Variants in ABCB1 observed in about 807,000 individuals in gnomAD.
ABCB1 encodes the protein ATP binding cassette subfamily B member 1, also known as ATP-dependent translocase ABCB1.
In ABCB1, 69 loss-of-function variants were observed where a neutral mutation model predicts 142.0. The ratio of observed to expected loss-of-function variants is 0.49; its 90% CI spans 0.40 to 0.59. The LOEUF (loss-of-function observed/expected upper bound fraction) is 0.59, where lower values mean the gene tolerates loss of function less well. ABCB1 is among the 20% of genes least tolerant of loss of function. The pLI, the probability that ABCB1 is intolerant of heterozygous loss-of-function variation, is 0.00. For synonymous variants in ABCB1, 532 were observed against 539.2 expected (o/e 0.99, Z 0.18); for missense variants, 1,326 against 1,554.7 (o/e 0.85, Z 2.47).
chr7:87,624,373 C>A (rs1008896941), intron 1 of ABCB1, among the ~76,000 whole-genome samples: 1 of 152,146 alleles, frequency 6.6e-6, no homozygotes, highest in Non-Finnish European at 1.5e-5. Flanking sequence ...CTAGAATAAA[C>A]TATGGTTTGG....
intron 1 of ABCB1, among the ~76,000 whole-genome samples, chr7:87,697,726 A>G (rs986419223): frequency 6.6e-6 from 1 of 152,224 alleles, no homozygotes; most frequent in Non-Finnish European, 1.5e-5. Flanking sequence ...CTGCACATAC[A>G]TGATCACATC....
At chr7:87,522,027 C>T (rs1006735052) in intron 21 of ABCB1, 5 of 940,932 alleles carry the variant, frequency 5.3e-6, no homozygotes, top group South Asian at 2.6e-5. Flanking sequence ...ATGGTGAGTG[C>T]TTCATCCAGC....
chr7:87,664,506 G>A (rs1410341676), intron 1 of ABCB1, among the ~76,000 whole-genome samples: 1 of 152,114 alleles, frequency 6.6e-6, no homozygotes, highest in Non-Finnish European at 1.5e-5. Flanking sequence ...CCTGCTCCAT[G>A]ATGTAAGGTG....
At chr7:87,673,768 G>C (rs1826056053) in intron 1 of ABCB1, among the ~76,000 whole-genome samples, 1 of 152,212 alleles carries the variant, frequency 6.6e-6, no homozygotes, top group East Asian at 1.9e-4. Context: ...TAGTTGTTTG[G>C]AGGTAATAAG....
At chr7:87,631,766 A>G (rs1243853921) in intron 1 of ABCB1, among the ~76,000 whole-genome samples, 1 of 152,204 alleles carries the variant, frequency 6.6e-6, no homozygotes, top group African/African-American at 2.4e-5. Context: ...TGGTGGAAAT[A>G]TAACTGGGTT....
chr7:87,650,117 C>G (rs1302137046), intron 1 of ABCB1, among the ~76,000 whole-genome samples: 6 of 152,158 alleles, frequency 3.9e-5, no homozygotes, highest in Non-Finnish European at 8.8e-5. Context: ...CAGAAACTCT[C>G]AAAAGCATTT....
At chr7:87,570,043 C>T (rs1266305168) in intron 5 of ABCB1, 129 bp downstream of exon 5, 8 of 834,922 alleles carry the variant, frequency 9.6e-6, no homozygotes, top group South Asian at 1.5e-5. Flanking sequence ...TCTACATATA[C>T]TCTTCTAAAA....
chr7:87,518,315 G>T (rs1193873226), intron 23 of ABCB1, among the ~76,000 whole-genome samples: 1 of 152,144 alleles, frequency 6.6e-6, no homozygotes. Context: ...AACTTGGAAG[G>T]TTGATTTTGC....
intron 4 of ABCB1, among the ~76,000 whole-genome samples, chr7:87,585,138 T>G (rs1818683725): frequency 6.6e-6 from 1 of 152,206 alleles, no homozygotes; most frequent in African/African-American, 2.4e-5. Context: ...GGCTAAAAAC[T>G]TTAGAATCAT....
intron 1 of ABCB1, among the ~76,000 whole-genome samples, chr7:87,630,707 A>G (rs1326822460): frequency 1.3e-5 from 2 of 150,354 alleles, no homozygotes; most frequent in African/African-American, 4.9e-5. Flanking sequence ...TTTTTCTTTC[A>G]AATTCTCAGT....
Position 87,703,366 on chromosome 7 carries a change from G to A in ABCB1, c.-331+9795C>T, listed in dbSNP as rs542444062. On this transcript the variant is annotated intron_variant, in intron 1 of 28. Transcript: ENST00000265724. ...TGTTTTAAAAACCAAAATCTATAAT[G>A]TTTAAATGTAGTGACATAATTAGAA... Among the ~76,000 whole-genome samples the A allele has an allele frequency of 5.3e-5, 8 of 152,030 alleles. No homozygotes were observed. In the South Asian group the frequency reaches 1.7e-3, roughly 32 times the overall value.
rs781337433 is a variant in ABCB1 at position 87,566,174 on chromosome 7, A to G, written c.598T>C (p.Phe200Leu). 2 of 1,614,194 alleles carry G rather than the reference A, an allele frequency of 1.2e-6. No individual in the cohort carries two copies. Among genetic ancestry groups the G allele is most frequent in the East Asian group, 2.2e-5 (1 of 44,886 alleles). Residue 200 changes from phenylalanine (F) to leucine (L), a missense_variant, in exon 7 of 28, where the codon TTT (phenylalanine) becomes CTT (leucine). Transcript: ENST00000622132. ...AATCCTACTATAAACCCAGTGAAAA[A>G]TGTTGCCATTGACTGAAAGAACATT... ...IGMFFQSMAT[F>L]FTGFIVGFTR...
intron 1 of ABCB1, among the ~76,000 whole-genome samples, chr7:87,706,434 C>T (rs894770629): frequency 6.6e-6 from 1 of 151,954 alleles, no homozygotes; most frequent in Non-Finnish European, 1.5e-5. Context: ...GAGTCGATCC[C>T]AAAGGTAAGA....
intron 27 of ABCB1, among the ~76,000 whole-genome samples, 156 bp from the exon 28 acceptor site, chr7:87,504,605 A>G (rs575129119): frequency 1.3e-5 from 2 of 152,250 alleles, no homozygotes; most frequent in South Asian, 4.1e-4. Context: ...TCAGATTGAG[A>G]CCATCCTGGC....
rs146127516 is a variant in ABCB1, at chr7:87,702,142, C to CAAAAAAAAA, written c.-331+11010_-331+11018dup. Among the ~76,000 whole-genome samples the CAAAAAAAAA allele has an allele frequency of 4.8e-4, 8 of 16,772 alleles. 1 individual carries two copies. The highest frequency in any genetic ancestry group is 2.6e-3 in the East Asian group (1 of 378). The allele number at this position is 16,772 out of a possible 152,430, so 11.0% of individuals were successfully genotyped here. A position where few individuals can be genotyped will look rare whatever the true frequency, so the allele number is the denominator to read the frequency against. Reference sequence around the variant, plus strand: ...TGGGCAAAAGAGCGAGACTCTGTCTCAAAAAAAAAAAAAAAAAAAAAAAAA... The same window carrying CAAAAAAAAA: ...TGGGCAAAAGAGCGAGACTCTGTCTCAAAAAAAAAAAAAAAAAAAAAAAAAAAAAAAAAA... On this transcript the variant is annotated intron_variant, in intron 1 of 28. Coordinates refer to the ABCB1 transcript ENST00000265724.
Position 87,539,259 on chromosome 7 carries a change from T to C in ABCB1, c.2397+9A>G, listed in dbSNP as rs2235064. The C allele has an allele frequency of 2.2e-5, 36 of 1,613,456 alleles. No homozygotes were observed. The highest frequency in any genetic ancestry group is 2.8e-5 in the Non-Finnish European group (33 of 1,179,690). On this transcript the variant is annotated intron_variant, in intron 19 of 27. Coordinates refer to ENST00000622132, the MANE Select transcript of ABCB1 (RefSeq NM_001348946.2). ...ACACATCCCAGGGCACAGCCCTCGATAGACATACCTGTCTGAGCATGGATC... is the reference window on the plus strand; with the variant it reads ...ACACATCCCAGGGCACAGCCCTCGACAGACATACCTGTCTGAGCATGGATC...
chr7:87,504,978 T>A (rs28364269), intron 27 of ABCB1, among the ~76,000 whole-genome samples: 4 of 152,144 alleles, frequency 2.6e-5, no homozygotes, highest in East Asian at 1.9e-4. Context: ...TTTTTTTTTT[T>A]ATTTGAAACA....
Position 87,654,350 on chromosome 7 carries a change from G to C in ABCB1, c.-330-53272C>G, listed in dbSNP as rs1398601312. Among the ~76,000 whole-genome samples, 4 of 152,058 alleles carry C rather than the reference G, an allele frequency of 2.6e-5. No homozygotes were observed. The East Asian group carries it at 5.8e-4, about 22-fold the overall frequency. Reference sequence around the variant, plus strand: ...CAAAATATACTGCAAAGCTATATTAGTTAAAACAGGATGTTACCAGCATAA... The same window carrying C: ...CAAAATATACTGCAAAGCTATATTACTTAAAACAGGATGTTACCAGCATAA... On this transcript the variant is annotated intron_variant, in intron 1 of 28. Coordinates refer to the ABCB1 transcript ENST00000265724.
intron 8 of ABCB1, among the ~76,000 whole-genome samples, chr7:87,560,569 C>A (rs748746640): frequency 3.7e-4 from 57 of 152,110 alleles, no homozygotes; most frequent in Non-Finnish European, 5.9e-4. Flanking sequence ...CAATGTATAA[C>A]CCCCTTAACC....
Sources: gnomAD v4.1 joint callset for allele counts (sites outside exome capture counted in the v4.1 genomes callset) on GRCh38, gnomAD v4.1.1 for gene constraint, MANE v1.5 for transcripts, NCBI Gene and HGNC (gene_info 2026-07-23, HGNC 2026-07-21) for gene names.